Variants in SUZ12 observed in about 807,000 individuals in gnomAD.
SUZ12 encodes SUZ12 polycomb repressive complex 2 subunit, also known as polycomb protein SUZ12.
SUZ12 carries 17 observed loss-of-function variants against 87.3 expected under a neutral mutation model. The observed-to-expected ratio is 0.19, with a 90% CI of 0.13 to 0.29. SUZ12 has a LOEUF of 0.29. Among genes scored for constraint, SUZ12 ranks in the 10% least tolerant of loss-of-function variants. SUZ12 has a pLI of 1.00. For missense variants in SUZ12, 526 were observed against 912.2 expected (o/e 0.58, Z 5.45); for synonymous variants, 253 against 312.4 (o/e 0.81, Z 2.01).
intron 5 of SUZ12, among the ~76,000 whole-genome samples, chr17:31,970,916 T>G (rs1908391408): frequency 6.6e-6 from 1 of 152,192 alleles, no homozygotes; most frequent in Admixed American, 6.5e-5. Flanking sequence ...TTGAAGCTAT[T>G]TGATGAATTA....
At chr17:31,990,039 C>G (rs1196780267) in intron 10 of SUZ12, among the ~76,000 whole-genome samples, 3 of 151,652 alleles carry the variant, frequency 2.0e-5, no homozygotes, top group African/African-American at 7.3e-5. Context: ...ACTGCAAGCT[C>G]CACCTCCTGG....
chr17:31,980,472 G>A (rs1345564913), intron 8 of SUZ12, among the ~76,000 whole-genome samples: 5 of 68,294 alleles, frequency 7.3e-5, no homozygotes, highest in Admixed American at 2.1e-4. Context: ...TTTTTGAGAC[G>A]GAGTTTTGCT....
At chr17:31,993,717 G>GC in intron 11 of SUZ12, 148 bp from the exon 12 acceptor site, 1 of 819,088 alleles carries the variant, frequency 1.2e-6, no homozygotes, top group South Asian at 1.9e-5. Flanking sequence ...GAGTGACCTC[G>GC]CGTCACTGGG....
At chr17:31,970,610 C>T (rs562253487) in intron 5 of SUZ12, among the ~76,000 whole-genome samples, 2 of 151,640 alleles carry the variant, frequency 1.3e-5, no homozygotes, top group South Asian at 2.1e-4. Flanking sequence ...CCTGGACAAC[C>T]GAGTGAGGCT....
Position 31,947,647 on chromosome 17 carries a change from A to G in SUZ12, c.417A>G (p.Ser139=). ...RKTFKVDDML[S]KVEKMKGEQE... is the part of the protein sequence containing the mutation. ...CATTTAAAGTTGATGATATGTTATC[A>G]AAAGTAGAGAAAATGAAAGGAGAGC... The change falls in exon 4 of 16, where the codon TCA becomes TCG. Residue 139 remains serine (S), a synonymous_variant. Coordinates refer to ENST00000322652, the MANE Select transcript of SUZ12 (RefSeq NM_015355.4). 1 of 1,605,206 alleles carries G rather than the reference A, an allele frequency of 6.2e-7. No individual in the cohort carries two copies. The highest frequency in any genetic ancestry group is 2.2e-5 in the East Asian group (1 of 44,672).
chr17:31,985,516 A>G (rs939163568), intron 9 of SUZ12, among the ~76,000 whole-genome samples: 10 of 151,740 alleles, frequency 6.6e-5, no homozygotes, highest in Non-Finnish European at 1.3e-4. Flanking sequence ...ATTTTTATCT[A>G]TACTGTTTGG....
At chr17:31,959,981 T>C (rs190117284) in intron 4 of SUZ12, among the ~76,000 whole-genome samples, 1 of 152,222 alleles carries the variant, frequency 6.6e-6, no homozygotes, top group African/African-American at 2.4e-5. Context: ...TTATATCTTA[T>C]TCTGGTCATG....
intron 4 of SUZ12, among the ~76,000 whole-genome samples, chr17:31,963,169 C>CAG (rs537358452): frequency 0.14 from 18,945 of 136,020 alleles, no homozygotes; most frequent in African/African-American, 0.28. Context: ...TTTTTTGAGA[C>CAG]AGTCTTGCTC....
intron 5 of SUZ12, among the ~76,000 whole-genome samples, chr17:31,968,769 A>G (rs1301210761): frequency 2.0e-5 from 3 of 152,100 alleles, no homozygotes; most frequent in Admixed American, 6.6e-5. Context: ...TTCTTCAGAA[A>G]CTTATAATTT....
rs991036891 is a variant in SUZ12 at position 31,937,194 on chromosome 17, C to G, written c.-53C>G. ...GAGCGGTTGGTATTGCAGGCGCTTG[C>G]TCTCCGGGGCCGCCCGGCGGGTAGC... On this transcript the variant is annotated 5_prime_UTR_variant, in exon 1 of 16. Transcript: ENST00000322652. 2 of 1,383,842 alleles carry G rather than the reference C, an allele frequency of 1.4e-6. No homozygotes were observed. The highest frequency in any genetic ancestry group is 1.6e-5 in the South Asian group (1 of 61,248). 85.7% of individuals were successfully genotyped at this position (1,383,842 alleles called of 1,614,324 possible). A position where few individuals can be genotyped will look rare whatever the true frequency, so the allele number is the denominator to read the frequency against.
At position 31,998,719 on chromosome 17, in the gene SUZ12, A is replaced by C; in HGVS notation, c.1936A>C (p.Lys646Gln). ...GCTGTTTGTAGAAAATTATGGACAG[A>C]AAATAATTAAGAAGAATTTATGTCG... ...CMLFVENYGQ[K>Q]IIKKNLCRNF... is the part of the protein sequence containing the mutation. Residue 646 changes from lysine (K) to glutamine (Q), a missense_variant, in exon 16 of 16, where the codon AAA becomes CAA. Coordinates refer to ENST00000322652, the MANE Select transcript of SUZ12 (RefSeq NM_015355.4). The C allele has an allele frequency of 6.2e-7, 1 of 1,601,558 alleles. No homozygotes were observed. The highest frequency in any genetic ancestry group is 8.5e-7 in the Non-Finnish European group (1 of 1,174,572).
chr17:31,939,132 CT>C (rs1906118819), intron 1 of SUZ12, among the ~76,000 whole-genome samples: 1 of 152,150 alleles, frequency 6.6e-6, no homozygotes, highest in African/African-American at 2.4e-5. Context: ...GTTAGAAAGA[CT>C]GTTTTGTGAA....
At chr17:31,952,693 G>A (rs1907061098) in intron 4 of SUZ12, among the ~76,000 whole-genome samples, 1 of 152,036 alleles carries the variant, frequency 6.6e-6, no homozygotes, top group Non-Finnish European at 1.5e-5. Flanking sequence ...CTCCTGAGTA[G>A]CTGGGATTAC....
intron 10 of SUZ12, among the ~76,000 whole-genome samples, chr17:31,991,722 A>T (rs562743534): frequency 4.6e-5 from 7 of 151,964 alleles, no homozygotes; most frequent in African/African-American, 1.7e-4. Context: ...CTCCTGCCTC[A>T]GCTTCCCAAG....
chr17:31,974,124 T>A (rs1908598541), intron 6 of SUZ12, among the ~76,000 whole-genome samples: 1 of 151,974 alleles, frequency 6.6e-6, no homozygotes, highest in Admixed American at 6.6e-5. Flanking sequence ...TCGGGAGGAT[T>A]GCTTGAGCCC....
intron 12 of SUZ12, chr17:31,994,340 A>G (rs1265226937): frequency 4.3e-6 from 2 of 467,192 alleles, no homozygotes; most frequent in Middle Eastern, 5.5e-4. Flanking sequence ...TTCTTGCTCA[A>G]CCAAGAAATA....
chr17:31,990,895 G>A (rs1348539716), intron 10 of SUZ12, among the ~76,000 whole-genome samples: 6 of 152,056 alleles, frequency 3.9e-5, no homozygotes, highest in South Asian at 4.2e-4. Context: ...CTACAGGCTC[G>A]TGCCACCACG....
At chr17:31,992,755 G>A (rs1033776458) in intron 10 of SUZ12, among the ~76,000 whole-genome samples, 2 of 148,728 alleles carry the variant, frequency 1.3e-5, no homozygotes, top group African/African-American at 2.5e-5. Flanking sequence ...TCATCCAGGC[G>A]GAAGTGCAGT....
chr17:31,982,419 T>C (rs904480720), intron 8 of SUZ12, among the ~76,000 whole-genome samples: 7 of 152,162 alleles, frequency 4.6e-5, no homozygotes, highest in African/African-American at 1.7e-4. Flanking sequence ...CCCAGCACTT[T>C]AGGAGGCCAA....
Sources: allele counts gnomAD v4.1 joint callset (sites outside exome capture counted in the v4.1 genomes callset), GRCh38; gene constraint gnomAD v4.1.1; transcripts MANE v1.5; gene names NCBI Gene and HGNC (gene_info 2026-07-23, HGNC 2026-07-21).